The following ARHGEF3 variants were observed in gnomAD, a reference collection of about 807,000 sequenced individuals.
The protein encoded by ARHGEF3 is Rho guanine nucleotide exchange factor 3.
ARHGEF3 carries 28 observed loss-of-function variants against 63.2 expected under a neutral mutation model. That is an observed-to-expected ratio of 0.44 (90% CI 0.33 to 0.61). ARHGEF3 has a LOEUF of 0.61. Ranked by LOEUF, ARHGEF3 falls within the 20% of genes least tolerant of loss-of-function variation. The pLI is 0.03. For synonymous variants in ARHGEF3, 266 were observed against 254.2 expected, an observed-to-expected ratio of 1.05 and a Z score of -0.44; for missense variants, 533 against 659.3, an observed-to-expected ratio of 0.81 and a Z score of 2.10.
intron 4 of ARHGEF3, among the ~76,000 whole-genome samples, chr3:56,852,466 TC>T (rs1174420572): frequency 1.3e-5 from 2 of 152,016 alleles, no homozygotes; most frequent in African/African-American, 2.4e-5. Context: ...GCAGTACCAG[TC>T]CCCAGAAGGT....
At chr3:56,985,026 C>T (rs369664737) in intron 2 of ARHGEF3, among the ~76,000 whole-genome samples, 6 of 152,344 alleles carry the variant, frequency 3.9e-5, no homozygotes, top group African/African-American at 1.4e-4. Context: ...TCACCCCTGG[C>T]CTATGAATGC....
intron 2 of ARHGEF3, among the ~76,000 whole-genome samples, chr3:56,770,342 G>A (rs963129010): frequency 1.3e-5 from 2 of 151,962 alleles, no homozygotes; most frequent in African/African-American, 2.4e-5. Flanking sequence ...CCCAGGAGGC[G>A]CAGGTGGAGG....
chr3:57,017,850 A>G (rs7620906), intron 2 of ARHGEF3, among the ~76,000 whole-genome samples: 52,330 of 152,108 alleles, frequency 0.34, 9,665 homozygotes, highest in African/African-American at 0.47. Flanking sequence ...TGATGCTGGG[A>G]AATGGTTAGT....
intron 1 of ARHGEF3, among the ~76,000 whole-genome samples, chr3:57,059,033 C>T (rs544108162): frequency 6.7e-6 from 1 of 150,174 alleles, no homozygotes; most frequent in Non-Finnish European, 1.5e-5. Flanking sequence ...AGGAGATATA[C>T]CTAATGTAAA....
At chr3:56,942,026 T>C (rs1005327149) in intron 3 of ARHGEF3, among the ~76,000 whole-genome samples, 3 of 152,234 alleles carry the variant, frequency 2.0e-5, no homozygotes, top group African/African-American at 4.8e-5. Flanking sequence ...TGGTAGAAGT[T>C]TTCCCATTTG....
chr3:56,943,375 T>C (rs972981704), intron 3 of ARHGEF3, among the ~76,000 whole-genome samples: 6 of 152,232 alleles, frequency 3.9e-5, no homozygotes, highest in Non-Finnish European at 7.3e-5. Flanking sequence ...AAAGCCTGGA[T>C]GGCAGCACAT....
intron 1 of ARHGEF3, among the ~76,000 whole-genome samples, chr3:57,058,294 C>T (rs1403205585): frequency 6.6e-6 from 1 of 152,144 alleles, no homozygotes; most frequent in Non-Finnish European, 1.5e-5. Context: ...GAACTTGTTC[C>T]AAATCAGTCT....
chr3:56,843,378 G>A (rs547587809), intron 4 of ARHGEF3, among the ~76,000 whole-genome samples: 1 of 152,088 alleles, frequency 6.6e-6, no homozygotes, highest in African/African-American at 2.4e-5. Flanking sequence ...CCCTGCCTCA[G>A]CTCCCAGGTA....
At chr3:57,019,387 G>GA (rs1487827308) in intron 2 of ARHGEF3, among the ~76,000 whole-genome samples, 1 of 152,048 alleles carries the variant, frequency 6.6e-6, no homozygotes, top group African/African-American at 2.4e-5. Context: ...GCAATGGCAA[G>GA]AAAGTCACAG....
intron 1 of ARHGEF3, among the ~76,000 whole-genome samples, chr3:56,795,629 A>T (rs2037310710): frequency 6.7e-6 from 1 of 149,418 alleles, no homozygotes; most frequent in Admixed American, 6.7e-5. Context: ...ACCTTTCCTG[A>T]TTAACTTGTG....
chr3:56,831,880 G>T (rs1163433908), intron 4 of ARHGEF3, among the ~76,000 whole-genome samples: 3 of 152,234 alleles, frequency 2.0e-5, no homozygotes. Context: ...GGGTGAACTT[G>T]GTGGCAGAAG....
chr3:57,030,299 C>T (rs1003396144), intron 2 of ARHGEF3, among the ~76,000 whole-genome samples: 2 of 152,188 alleles, frequency 1.3e-5, no homozygotes, highest in African/African-American at 4.8e-5. Flanking sequence ...CTAGCAGAAC[C>T]GGCAAGGAGG....
At chr3:57,029,196 C>G (rs1429971276) in intron 2 of ARHGEF3, among the ~76,000 whole-genome samples, 1 of 152,088 alleles carries the variant, frequency 6.6e-6, no homozygotes, top group African/African-American at 2.4e-5. Flanking sequence ...TTTGGGAGGC[C>G]GAGGCAGGCA....
chr3:56,805,925 T>C (rs1337612119), upstream of ARHGEF3, among the ~76,000 whole-genome samples: 2 of 152,234 alleles, frequency 1.3e-5, no homozygotes, highest in East Asian at 3.8e-4. Context: ...AATAGGATTC[T>C]GGTGTTTAAA....
At chr3:56,749,691 A>C (rs1293985345) in intron 6 of ARHGEF3, among the ~76,000 whole-genome samples, 1 of 152,228 alleles carries the variant, frequency 6.6e-6, no homozygotes, top group Admixed American at 6.5e-5. Flanking sequence ...TGAAAGTCAA[A>C]AATATAAGAT....
intron 1 of ARHGEF3, among the ~76,000 whole-genome samples, chr3:56,788,165 A>G (rs2036914374): frequency 1.3e-5 from 2 of 152,140 alleles, no homozygotes; most frequent in Non-Finnish European, 1.5e-5. Flanking sequence ...ATGTGCCCCC[A>G]GAAGATGCTG....
chr3:56,787,403 C>T (rs536796460), intron 1 of ARHGEF3, among the ~76,000 whole-genome samples: 83 of 152,260 alleles, frequency 5.5e-4, no homozygotes, highest in Admixed American at 2.6e-3. Context: ...AGAAACAGAG[C>T]AGTCATCCTA....
chr3:56,757,050 A>G (rs1012960066), intron 2 of ARHGEF3, among the ~76,000 whole-genome samples: 1 of 152,242 alleles, frequency 6.6e-6, no homozygotes, highest in African/African-American at 2.4e-5. Flanking sequence ...GAATTTGCTT[A>G]TGACATATGA....
chr3:56,897,182 G>A (rs57688418), intron 3 of ARHGEF3, among the ~76,000 whole-genome samples: 22,951 of 152,060 alleles, frequency 0.15, 2,532 homozygotes, highest in East Asian at 0.51. Context: ...GTTATGATCC[G>A]TTACTATCAT....
Sources: gnomAD v4.1 joint callset for allele counts (sites outside exome capture counted in the v4.1 genomes callset) on GRCh38, gnomAD v4.1.1 for gene constraint, MANE v1.5 for transcripts, NCBI Gene and HGNC (gene_info 2026-07-23, HGNC 2026-07-21) for gene names.